ERBB4: variants seen among roughly 807,000 people sequenced by gnomAD.
ERBB4 encodes the protein receptor tyrosine-protein kinase erbB-4.
A neutral mutation model predicts 158.0 loss-of-function variants in ERBB4; 42 were observed. The ratio of observed to expected loss-of-function variants is 0.27; its 90% CI spans 0.21 to 0.34. The LOEUF is 0.34. Ranked by LOEUF, ERBB4 falls within the 10% of genes least tolerant of loss-of-function variation. The probability of loss-of-function intolerance (pLI) is 1.00; values close to 1 mark genes in which losing one functional copy is unlikely to be tolerated. For missense variants in ERBB4, 1,333 were observed against 1,624.1 expected (o/e 0.82, Z 3.08); for synonymous variants, 583 against 558.7 (o/e 1.04, Z -0.61).
rs776417536 is a variant in ERBB4 at position 211,421,991 on chromosome 2, A to T, written c.2964+16T>A. 1 of 1,534,694 alleles carries T rather than the reference A, an allele frequency of 6.5e-7. No individual in the cohort carries two copies. The highest frequency in any genetic ancestry group is 9.0e-7 in the Non-Finnish European group (1 of 1,107,776). On this transcript the variant is annotated intron_variant, in intron 24 of 27. Transcript: ENST00000342788. ...CCATTGGCCTAGTCTTAAAGGCATA[A>T]GTCAAATGTACTCACCTGAATAACT...
chr2:212,193,929 C>A (rs531884990), intron 1 of ERBB4, among the ~76,000 whole-genome samples: 1 of 151,920 alleles, frequency 6.6e-6, no homozygotes, highest in East Asian at 1.9e-4. Context: ...GTTATTTTTT[C>A]CTTGTAATTC....
At chr2:211,512,047 T>G (rs1419346587) in intron 20 of ERBB4, among the ~76,000 whole-genome samples, 1 of 152,150 alleles carries the variant, frequency 6.6e-6, no homozygotes, top group African/African-American at 2.4e-5. Flanking sequence ...TTAAAATTAT[T>G]GTTTAAAGAC....
Position 211,380,265 on chromosome 2 carries a change from T to A in ERBB4, c.*3350A>T. On this transcript the variant is annotated 3_prime_UTR_variant, in exon 28 of 28. Coordinates refer to ENST00000342788, the MANE Select transcript of ERBB4 (RefSeq NM_005235.3). The stretch of plus-strand genomic sequence containing the variant: ...AGTCTAACACCTTTTGTGGTGCAGA[T>A]GCTTTGTGGTTCTGGATCTATCCTA... The A allele has an allele frequency of 4.3e-6, 1 of 232,432 alleles. No individual in the cohort carries two copies. The highest frequency in any genetic ancestry group is 8.5e-6 in the Non-Finnish European group (1 of 117,542). 14.4% of individuals were successfully genotyped at this position (232,432 alleles called of 1,614,324 possible). A position where few individuals can be genotyped will look rare whatever the true frequency, so the allele number is the denominator to read the frequency against.
At chr2:211,690,183 A>G (rs923419029) in intron 12 of ERBB4, among the ~76,000 whole-genome samples, 7 of 151,888 alleles carry the variant, frequency 4.6e-5, no homozygotes, top group African/African-American at 1.7e-4. Flanking sequence ...TCTTGAGGAC[A>G]TTGACAAGGT....
At chr2:212,367,051 G>A (rs1306803599) in intron 1 of ERBB4, among the ~76,000 whole-genome samples, 5 of 151,852 alleles carry the variant, frequency 3.3e-5, no homozygotes, top group African/African-American at 1.2e-4. Context: ...TAGGACTGGT[G>A]TCCTTATAAA....
At chr2:212,339,238 C>T (rs759688457) in intron 1 of ERBB4, among the ~76,000 whole-genome samples, 26 of 152,222 alleles carry the variant, frequency 1.7e-4, no homozygotes, top group Non-Finnish European at 2.9e-4. Flanking sequence ...TGTTCAGCTC[C>T]CACTTATAAG....
intron 2 of ERBB4, among the ~76,000 whole-genome samples, chr2:211,998,783 G>A (rs1413961664): frequency 1.3e-5 from 2 of 151,548 alleles, no homozygotes; most frequent in Non-Finnish European, 1.5e-5. Flanking sequence ...GATACCCTAG[G>A]GATGATTTCA....
chr2:212,404,219 A>T (rs1310077803), intron 1 of ERBB4, among the ~76,000 whole-genome samples: 1 of 152,066 alleles, frequency 6.6e-6, no homozygotes, highest in Non-Finnish European at 1.5e-5. Context: ...TCTTGCCACA[A>T]GTCAATGGCC....
At chr2:212,080,842 G>A (rs2078421270) in intron 2 of ERBB4, among the ~76,000 whole-genome samples, 1 of 152,108 alleles carries the variant, frequency 6.6e-6, no homozygotes, top group Admixed American at 6.6e-5. Flanking sequence ...AAGGTGAATT[G>A]TGCCATATGG....
At position 212,017,494 on chromosome 2, in the gene ERBB4, T is replaced by A. The variant is rs1009896850; in HGVS notation, c.235-69878A>T. On this transcript the variant is annotated intron_variant, in intron 2 of 27. Transcript: ENST00000342788. Reference sequence around the variant, plus strand: ...ACTTATTTTCAATTAAAAATATGCATCTTATTCAGAGACACTATGCAAGGT... The same window carrying A: ...ACTTATTTTCAATTAAAAATATGCAACTTATTCAGAGACACTATGCAAGGT... Among the ~76,000 whole-genome samples the A allele has an allele frequency of 2.0e-5, 3 of 152,160 alleles. No individual in the cohort carries two copies. In the South Asian group the frequency reaches 6.2e-4, roughly 32 times the overall value.
intron 2 of ERBB4, among the ~76,000 whole-genome samples, chr2:212,086,519 C>T (rs1461311469): frequency 6.6e-6 from 1 of 151,754 alleles, no homozygotes; most frequent in Non-Finnish European, 1.5e-5. Context: ...TTTCTTTTTG[C>T]CTTAGCTTCT....
chr2:211,635,080 A>G (rs1265778283), intron 16 of ERBB4, among the ~76,000 whole-genome samples: 1 of 152,212 alleles, frequency 6.6e-6, no homozygotes, highest in Non-Finnish European at 1.5e-5. Flanking sequence ...CTGATTCCTT[A>G]TCTTTAACAG....
At chr2:212,392,369 AAAG>A (rs538043094) in intron 1 of ERBB4, among the ~76,000 whole-genome samples, 171 of 152,192 alleles carry the variant, frequency 1.1e-3, no homozygotes, top group African/African-American at 4.0e-3. Context: ...ATGGAAAAGA[AAAG>A]AAGCCAAGAT....
rs892973228 is a variant in ERBB4 at position 212,178,793 on chromosome 2, A to T, written c.83-53890T>A. Among the ~76,000 whole-genome samples, 3 of 151,542 alleles carry T rather than the reference A, an allele frequency of 2.0e-5. No individual in the cohort carries two copies. The East Asian group carries it at 5.8e-4, about 29-fold the overall frequency. ...TTGTTTGTTCGCTTTATGATGGAAG[A>T]CTCTCCTCCATCGCCAAAACATTAC... is the stretch of plus-strand genomic sequence containing the variant. On this transcript the variant is annotated intron_variant, in intron 1 of 27. Transcript: ENST00000342788.
chr2:211,649,546 G>GTTCAATTTACA (rs2070904767), intron 16 of ERBB4, among the ~76,000 whole-genome samples: 1 of 151,806 alleles, frequency 6.6e-6, no homozygotes, highest in African/African-American at 2.4e-5. Flanking sequence ...ATTGAACAAA[G>GTTCAATTTACA]GAGTTGCTTT....
chr2:211,516,712 G>T (rs2125629452), intron 20 of ERBB4, among the ~76,000 whole-genome samples: 1 of 152,236 alleles, frequency 6.6e-6, no homozygotes, highest in African/African-American at 2.4e-5. Context: ...GGTGAAAGGA[G>T]TCTTTCTCAC....
chr2:212,495,860 T>C (rs1410754178), intron 1 of ERBB4, among the ~76,000 whole-genome samples: 1 of 152,168 alleles, frequency 6.6e-6, no homozygotes, highest in African/African-American at 2.4e-5. Flanking sequence ...TTACTATTTA[T>C]GGTGCTTAAT....
At chr2:212,036,345 G>C (rs1038412834) in intron 2 of ERBB4, among the ~76,000 whole-genome samples, 1 of 152,004 alleles carries the variant, frequency 6.6e-6, no homozygotes, top group Non-Finnish European at 1.5e-5. Context: ...TTTCTGATGA[G>C]AAAGTCAAGA....
intron 20 of ERBB4, among the ~76,000 whole-genome samples, chr2:211,451,692 G>T (rs949750326): frequency 3.3e-5 from 5 of 152,116 alleles, no homozygotes; most frequent in Non-Finnish European, 7.4e-5. Context: ...ACAAGGTCAA[G>T]GTAAATGCAA....
Sources: allele counts gnomAD v4.1 joint callset (sites outside exome capture counted in the v4.1 genomes callset), GRCh38; gene constraint gnomAD v4.1.1; transcripts MANE v1.5; gene names NCBI Gene and HGNC (gene_info 2026-07-23, HGNC 2026-07-21).